SHC2: variants seen among roughly 807,000 people sequenced by gnomAD.
The protein encoded by SHC2 is SHC adaptor protein 2, also known as SHC-transforming protein 2.
SHC2 carries 62 observed loss-of-function variants against 60.6 expected under a neutral mutation model. The observed-to-expected ratio is 1.02, with a 90% CI of 0.83 to 1.26. The LOEUF is 1.26. Ranked by LOEUF, SHC2 falls within the 50% of genes most tolerant of loss-of-function variation. The probability of loss-of-function intolerance (pLI) is 0.00; values close to 1 mark genes in which losing one functional copy is unlikely to be tolerated. For missense variants in SHC2, 873 were observed against 822.2 expected, an observed-to-expected ratio of 1.06 and a Z score of -0.76; for synonymous variants, 375 against 372.4, an observed-to-expected ratio of 1.01 and a Z score of -0.08.
intron 11 of SHC2, among the ~76,000 whole-genome samples, chr19:420,349 C>A (rs116670496): frequency 0.022 from 3,311 of 152,278 alleles, 112 homozygotes; most frequent in African/African-American, 0.075. Context: ...GTGTGCTTCA[C>A]GCAGAGACCA....
chr19:459,352 AG>A (rs1568301578), intron 1 of SHC2, among the ~76,000 whole-genome samples: 32 of 129,114 alleles, frequency 2.5e-4, no homozygotes, highest in African/African-American at 8.2e-4. Context: ...ACCCCACTGA[AG>A]CCAGCGTAGG....
In SHC2 at chr19:425,229, G is replaced by C. The variant is rs201081061; in HGVS notation, c.1177C>G (p.Pro393Ala). The C allele has an allele frequency of 1.5e-6, 2 of 1,331,078 alleles. No individual in the cohort carries two copies. The highest frequency in any genetic ancestry group is 5.6e-5 in the East Asian group (2 of 35,774). 82.5% of individuals were successfully genotyped at this position (1,331,078 alleles called of 1,614,324 possible). A position where few individuals can be genotyped will look rare whatever the true frequency, so the allele number is the denominator to read the frequency against. Residue 393 changes from proline to alanine, a missense_variant and splice_region_variant, in exon 10 of 13, where the codon CCA becomes GCA. Transcript: ENST00000264554. This position sits in a 1 kb window ranked among gnomAD's most constrained non-coding sequence, Gnocchi z 4.1. ...PWDVGSTGTA[P>A]PGDGYVQADA... is the part of the protein sequence containing the mutation. The stretch of plus-strand genomic sequence containing the variant: ...GCCTGCACGTAGCCGTCCCCCGGTG[G>C]AGCTGGGGAGTGTAAAGAGGGGCAG...
At chr19:457,874 G>A (rs1406213567) in intron 1 of SHC2, among the ~76,000 whole-genome samples, 3 of 152,278 alleles carry the variant, frequency 2.0e-5, no homozygotes, top group African/African-American at 7.2e-5. Flanking sequence ...AGACGGCGAG[G>A]GCGGCCCGAT....
chr19:427,800 A>C (rs541239841), intron 9 of SHC2, among the ~76,000 whole-genome samples: 1 of 96,448 alleles, frequency 1.0e-5, no homozygotes, highest in African/African-American at 4.3e-5. Flanking sequence ...GGGACGGCGC[A>C]CAGCACACGG....
intron 10 of SHC2, among the ~76,000 whole-genome samples, chr19:423,693 G>A (rs1435313075): frequency 6.6e-6 from 1 of 152,090 alleles, no homozygotes; most frequent in Non-Finnish European, 1.5e-5. Context: ...CTGACCCTGG[G>A]GGCTGAGCCA....
Position 422,022 on chromosome 19 carries a change from C to G in SHC2, c.1620+124G>C. 1 of 1,058,338 alleles carries G rather than the reference C, an allele frequency of 9.4e-7. No homozygotes were observed. The highest frequency in any genetic ancestry group is 1.3e-6 in the Non-Finnish European group (1 of 761,606). The allele number at this position is 1,058,338 out of a possible 1,614,324, so 65.6% of individuals were successfully genotyped here. A position where few individuals can be genotyped will look rare whatever the true frequency, so the allele number is the denominator to read the frequency against. On this transcript the variant is annotated intron_variant, in intron 11 of 12. Coordinates refer to ENST00000264554, the MANE Select transcript of SHC2 (RefSeq NM_012435.3). This position sits in a 1 kb window ranked among gnomAD's most constrained non-coding sequence, Gnocchi z 5.0. ...GAAAGCTCCTGCATGCCCCGAGACC[C>G]TCGAGACCCTTGAGACCCTCCCACC...
chr19:451,968 C>T (rs535526463), intron 1 of SHC2, among the ~76,000 whole-genome samples: 1 of 152,338 alleles, frequency 6.6e-6, no homozygotes, highest in African/African-American at 2.4e-5. Context: ...CGTGTGACTC[C>T]AGCCGTGGTG....
At chr19:450,152 A>G (rs1975143544) in intron 1 of SHC2, among the ~76,000 whole-genome samples, 1 of 152,056 alleles carries the variant, frequency 6.6e-6, no homozygotes, top group African/African-American at 2.4e-5. Context: ...CATCATCGCG[A>G]GGCTGGGCAG....
At chr19:437,752 TCA>T (rs1974759346) in intron 4 of SHC2, among the ~76,000 whole-genome samples, 1 of 151,656 alleles carries the variant, frequency 6.6e-6, no homozygotes, top group Non-Finnish European at 1.5e-5. Flanking sequence ...CCACACCAGC[TCA>T]GAGATGCTGT....
In SHC2 at chr19:438,754, A is replaced by G. The variant is rs756353948; in HGVS notation, c.684T>C (p.Thr228=). 2.3e-5 allele frequency: 36 copies of G among 1,571,780 alleles called. No homozygotes were observed. In the African/African-American group the frequency reaches 4.3e-4, roughly 19 times the overall value. Residue 228 remains threonine, a synonymous_variant, in exon 4 of 13, where the codon ACT becomes ACC. Transcript: ENST00000264554. This position sits in a 1 kb window ranked among gnomAD's most constrained non-coding sequence, Gnocchi z 5.0. The stretch of plus-strand genomic sequence containing the variant: ...CAGGCACGGAGAGGCTGAGGCCATC[A>G]GTGGAGATGTGGATGGAGATGCTCA... ...AGMSISIHIS[T]DGLSLSVPAT...
chr19:454,445 T>C (rs1487881374), intron 1 of SHC2, among the ~76,000 whole-genome samples: 2 of 152,024 alleles, frequency 1.3e-5, no homozygotes, highest in African/African-American at 4.8e-5. Flanking sequence ...GGGAAGGCGG[T>C]CGGTCTCCCG....
rs200660578 is a variant in SHC2, at chr19:425,082, C to A, written c.1309+15G>T. ...GCCACACGCGATGACGGCCGCCCCC[C>A]AGGCTGCCACATACGCATGTCAAAC... is the stretch of plus-strand genomic sequence containing the variant. On this transcript the variant is annotated intron_variant, in intron 10 of 12. Transcript: ENST00000264554. The surrounding 1 kb of genome is among the most constrained non-coding windows in gnomAD (Gnocchi z 4.1). 981 of 1,372,056 alleles carry A rather than the reference C, an allele frequency of 7.1e-4. 1 individual carries two copies. The highest frequency in any genetic ancestry group is 4.1e-3 in the Middle Eastern group (21 of 5,118). 85.0% of individuals were successfully genotyped at this position (1,372,056 alleles called of 1,614,324 possible).
At chr19:451,777 T>C (rs1402315763) in intron 1 of SHC2, among the ~76,000 whole-genome samples, 1 of 152,114 alleles carries the variant, frequency 6.6e-6, no homozygotes, top group East Asian at 1.9e-4. Flanking sequence ...TTTGTATTTT[T>C]AGTAGAGACG....
At chr19:419,108 G>A (rs976644641) in intron 11 of SHC2, 52 bp from the exon 12 acceptor site, 4 of 1,524,878 alleles carry the variant, frequency 2.6e-6, no homozygotes, top group Admixed American at 1.9e-5. Context: ...CTGGACCCGT[G>A]GAGTAGGATA....
intron 1 of SHC2, among the ~76,000 whole-genome samples, chr19:444,700 CAG>C (rs1975008362): frequency 6.6e-6 from 1 of 152,208 alleles, no homozygotes; most frequent in South Asian, 2.1e-4. Flanking sequence ...CTCGCTAACT[CAG>C]GGCGCTTGTC....
rs1039792776 is a variant in SHC2, at chr19:440,291, T to G, written c.539+571A>C. Among the ~76,000 whole-genome samples, 6 of 151,976 alleles carry G rather than the reference T, an allele frequency of 3.9e-5. No homozygotes were observed. ...GAGAATGTTCGGAACTAGACAGTGG[T>G]GATCGTGTGACTCTGTGAAGAGCCT... On this transcript the variant is annotated intron_variant, in intron 2 of 12. Coordinates refer to ENST00000264554, the MANE Select transcript of SHC2 (RefSeq NM_012435.3). This position sits in a 1 kb window ranked among gnomAD's most constrained non-coding sequence, Gnocchi z 7.0.
At chr19:442,496 T>C (rs1443456353) in intron 1 of SHC2, among the ~76,000 whole-genome samples, 4 of 100,170 alleles carry the variant, frequency 4.0e-5, no homozygotes, top group East Asian at 6.8e-4. Context: ...GGTGGATGGA[T>C]GGATGGACGG....
At chr19:426,974 C>T (rs66783016) in intron 9 of SHC2, among the ~76,000 whole-genome samples, 37,272 of 152,028 alleles carry the variant, frequency 0.25, 5,252 homozygotes, top group East Asian at 0.58. Flanking sequence ...TCGGGAAGGG[C>T]ATGAGTGCAA....
intron 1 of SHC2, among the ~76,000 whole-genome samples, chr19:448,083 A>AGTGGCTCCCGGGGC (rs1305652464): frequency 2.8e-4 from 42 of 152,320 alleles, no homozygotes; most frequent in African/African-American, 9.6e-4. Context: ...CTGGCCTGCG[A>AGTGGCTCCCGGGGC]GTGGCTCCCG....
Sources: gnomAD v4.1 joint callset for allele counts (sites outside exome capture counted in the v4.1 genomes callset) on GRCh38, gnomAD v4.1.1 for gene constraint, Gnocchi (gnomAD v3.1) non-coding constraint, MANE v1.5 for transcripts, NCBI Gene and HGNC (gene_info 2026-07-23, HGNC 2026-07-21) for gene names.